RBFOX1: variants seen among roughly 807,000 people sequenced by gnomAD.
RBFOX1 encodes RNA binding protein fox-1 homolog 1.
Under a neutral mutation model 57.7 loss-of-function variants are expected in RBFOX1, and 8 were observed. That is an observed-to-expected ratio of 0.14 (90% CI 0.08 to 0.25). RBFOX1 has a LOEUF of 0.25. RBFOX1 is among the 10% of genes least tolerant of loss of function. RBFOX1 has a pLI of 1.00. For synonymous variants in RBFOX1, 326 were observed against 222.4 expected, an observed-to-expected ratio of 1.47 and a Z score of -4.15; for missense variants, 611 against 548.5, an observed-to-expected ratio of 1.11 and a Z score of -1.14.
chr16:7,371,322 T>G (rs1207781279), intron 4 of RBFOX1, among the ~76,000 whole-genome samples: 4 of 152,202 alleles, frequency 2.6e-5, no homozygotes, highest in Non-Finnish European at 5.9e-5. Context: ...GGTACGTGCC[T>G]GTGATTAATA....
intron 3 of RBFOX1, among the ~76,000 whole-genome samples, chr16:6,916,756 A>T (rs957109462): frequency 3.3e-5 from 5 of 152,042 alleles, no homozygotes; most frequent in African/African-American, 1.2e-4. Context: ...GCTTTTTTCT[A>T]CCACCCACTT....
At chr16:6,917,549 A>G (rs1284687719) in intron 3 of RBFOX1, among the ~76,000 whole-genome samples, 1 of 152,148 alleles carries the variant, frequency 6.6e-6, no homozygotes, top group African/African-American at 2.4e-5. Flanking sequence ...AACAATGTTC[A>G]TTTTTCTAAG....
intron 10 of RBFOX1, among the ~76,000 whole-genome samples, chr16:7,621,205 G>C (rs1021560520): frequency 1.3e-4 from 20 of 152,044 alleles, no homozygotes; most frequent in Admixed American, 1.1e-3. Context: ...TATTTTCATT[G>C]TTTTTGTTGT....
At chr16:5,595,537 C>G (rs1316150462) in intron 2 of RBFOX1, among the ~76,000 whole-genome samples, 1 of 152,146 alleles carries the variant, frequency 6.6e-6, no homozygotes, top group Non-Finnish European at 1.5e-5. Context: ...GGTTTGGGAT[C>G]TAAAAAGGGT....
At chr16:7,089,459 A>G (rs1483882710) in intron 4 of RBFOX1, among the ~76,000 whole-genome samples, 2 of 152,154 alleles carry the variant, frequency 1.3e-5, no homozygotes, top group African/African-American at 4.8e-5. Flanking sequence ...GGAAAAAACT[A>G]TACTAGCATT....
intron 3 of RBFOX1, among the ~76,000 whole-genome samples, chr16:6,936,543 A>C (rs1254442633): frequency 2.6e-5 from 4 of 152,148 alleles, no homozygotes; most frequent in Non-Finnish European, 4.4e-5. Context: ...GGAGGATATT[A>C]AGGGCTACAT....
chr16:7,239,512 A>C (rs376375451), intron 4 of RBFOX1, among the ~76,000 whole-genome samples: 2 of 152,084 alleles, frequency 1.3e-5, no homozygotes, highest in Non-Finnish European at 1.5e-5. Context: ...TAAATAAATA[A>C]ATAAAAATTG....
chr16:5,248,762 G>C (rs1271971422), intron 1 of RBFOX1, among the ~76,000 whole-genome samples: 1 of 152,152 alleles, frequency 6.6e-6, no homozygotes, highest in Non-Finnish European at 1.5e-5. Context: ...GGCCAAGGTG[G>C]GGGATCACCT....
chr16:7,488,568 T>C (rs1278652332), intron 4 of RBFOX1, among the ~76,000 whole-genome samples: 1 of 152,124 alleles, frequency 6.6e-6, no homozygotes. Context: ...ATCCATCATA[T>C]GTTTATCCAT....
chr16:6,961,536 T>A (rs2083012751), intron 3 of RBFOX1, among the ~76,000 whole-genome samples: 1 of 152,090 alleles, frequency 6.6e-6, no homozygotes, highest in Admixed American at 6.5e-5. Flanking sequence ...TCAAAGCAAG[T>A]TTATTAGACG....
rs536976157 is a variant in RBFOX1 at position 6,406,022 on chromosome 16, G to A, written c.-64+88965G>A. Among the ~76,000 whole-genome samples, 21 of 152,326 alleles carry A rather than the reference G, an allele frequency of 1.4e-4. 1 individual carries two copies. The South Asian group carries it at 4.3e-3, about 32-fold the overall frequency. The stretch of plus-strand genomic sequence containing the variant: ...AGAACGCAGAGGAATTAAGGACTCA[G>A]AACTTGTCTCCTCTCATTAACAGCC... On this transcript the variant is annotated intron_variant, in intron 2 of 15. Transcript: ENST00000550418.
intron 3 of RBFOX1, among the ~76,000 whole-genome samples, chr16:6,952,217 A>C (rs1441785142): frequency 6.6e-6 from 1 of 152,200 alleles, no homozygotes; most frequent in Non-Finnish European, 1.5e-5. Context: ...CTGAGATGAA[A>C]GAAAAAGAGT....
At chr16:7,129,010 G>T (rs1302737964) in intron 4 of RBFOX1, among the ~76,000 whole-genome samples, 3 of 151,718 alleles carry the variant, frequency 2.0e-5, no homozygotes, top group African/African-American at 7.3e-5. Flanking sequence ...TAGTAGAGAT[G>T]AGGTTTCACC....
At chr16:7,474,029 C>T (rs2062103973) in intron 4 of RBFOX1, among the ~76,000 whole-genome samples, 1 of 152,164 alleles carries the variant, frequency 6.6e-6, no homozygotes, top group African/African-American at 2.4e-5. Context: ...TGGCTCACGC[C>T]TGTGGTCCCA....
At chr16:5,518,460 G>A (rs748305281) in intron 2 of RBFOX1, among the ~76,000 whole-genome samples, 51 of 152,260 alleles carry the variant, frequency 3.3e-4, no homozygotes, top group Non-Finnish European at 7.2e-4. Context: ...TGGCAACAAG[G>A]AGATTGTAAA....
intron 3 of RBFOX1, among the ~76,000 whole-genome samples, chr16:5,650,080 T>C (rs536455745): frequency 9.2e-5 from 14 of 152,190 alleles, no homozygotes; most frequent in African/African-American, 3.1e-4. Flanking sequence ...TGAAGGCACG[T>C]TGGGGTCTTC....
chr16:7,626,506 G>C (rs377752003), intron 10 of RBFOX1, among the ~76,000 whole-genome samples: 1 of 152,124 alleles, frequency 6.6e-6, no homozygotes, highest in Admixed American at 6.5e-5. Flanking sequence ...GCTTTGGAAC[G>C]GGCTCTGATT....
chr16:5,697,357 A>G (rs2050876529), intron 3 of RBFOX1, among the ~76,000 whole-genome samples: 1 of 151,280 alleles, frequency 6.6e-6, no homozygotes, highest in African/African-American at 2.4e-5. Context: ...CATAAAACTC[A>G]TATAATATGA....
intron 4 of RBFOX1, among the ~76,000 whole-genome samples, chr16:7,479,212 C>T (rs1256363305): frequency 6.6e-6 from 1 of 150,512 alleles, no homozygotes; most frequent in East Asian, 2.0e-4. Flanking sequence ...CAACTTCTGC[C>T]TCCCGAGTTG....
Sources: allele counts gnomAD v4.1 joint callset (sites outside exome capture counted in the v4.1 genomes callset), GRCh38; gene constraint gnomAD v4.1.1; transcripts MANE v1.5; gene names NCBI Gene and HGNC (gene_info 2026-07-23, HGNC 2026-07-21).